The following GAK variants were observed in gnomAD, a reference collection of about 807,000 sequenced individuals.
The protein encoded by GAK is cyclin-G-associated kinase.
A neutral mutation model predicts 143.9 loss-of-function variants in GAK; 79 were observed. The ratio of observed to expected loss-of-function variants is 0.55; its 90% CI spans 0.46 to 0.66. The LOEUF (loss-of-function observed/expected upper bound fraction) is 0.66, where lower values mean the gene tolerates loss of function less well. GAK is among the 30% of genes least tolerant of loss of function. GAK has a pLI of 0.00. For synonymous variants in GAK, 881 were observed against 765.5 expected, an observed-to-expected ratio of 1.15 and a Z score of -2.49; for missense variants, 1,693 against 1,779.7, an observed-to-expected ratio of 0.95 and a Z score of 0.88.
At chr4:914,234 G>A (rs1198223331) in intron 1 of GAK, among the ~76,000 whole-genome samples, 1 of 36,566 alleles carries the variant, frequency 2.7e-5, no homozygotes, top group South Asian at 1.3e-3. Context: ...CAGCCCCAGC[G>A]TGCACGGCCC....
intron 10 of GAK, among the ~76,000 whole-genome samples, chr4:890,103 C>T (rs139504543): frequency 8.3e-4 from 127 of 152,362 alleles, no homozygotes; most frequent in Middle Eastern, 3.4e-3. Context: ...CCTGGGATGC[C>T]CCCTCCAGCC....
chr4:882,773 G>C lies in GAK; in HGVS notation c.1451C>G (p.Thr484Ser). 1.2e-6 allele frequency: 2 copies of C among 1,611,532 alleles called. No homozygotes were observed. The highest frequency in any genetic ancestry group is 8.5e-7 in the Non-Finnish European group (1 of 1,179,942). The change falls in exon 14 of 28, where the codon ACC becomes AGC. Residue 484 changes from threonine (T) to serine (S), a missense_variant. By Grantham distance (58) the Thr-to-Ser change is moderately conservative. Around this residue, in one of 2 missense-constraint regions of GAK, gnomAD observed 871 missense variants for 991.0 expected, o/e 0.88. Coordinates refer to ENST00000314167, the MANE Select transcript of GAK (RefSeq NM_005255.4). ...WAARRAPHLH[T>S]LYNICRNMHA... ...CATGTTCCTGCAGATGTTGTACAGG[G>C]TGTGCAGGTGTGGGGCCCGCCGTGC...
intron 10 of GAK, among the ~76,000 whole-genome samples, chr4:889,588 C>T (rs1168698219): frequency 6.6e-6 from 1 of 152,224 alleles, no homozygotes; most frequent in Non-Finnish European, 1.5e-5. Context: ...CCAGCCACTA[C>T]ACCTGCATGT....
intron 19 of GAK, among the ~76,000 whole-genome samples, chr4:870,338 A>G (rs7690704): frequency 0.84 from 128,033 of 152,218 alleles, 54,308 homozygotes; most frequent in African/African-American, 0.93. Context: ...TCTGTTCCAC[A>G]TGCTGCCAGC....
At chr4:895,237 T>A (rs1718546799) in intron 7 of GAK, among the ~76,000 whole-genome samples, 2 of 152,204 alleles carry the variant, frequency 1.3e-5, no homozygotes, top group Non-Finnish European at 2.9e-5. Context: ...CTCAGGATTT[T>A]CGCAGAACTG....
At chr4:893,331 C>T (rs752538659) in intron 9 of GAK, 46 bp downstream of exon 9, 4 of 1,370,108 alleles carry the variant, frequency 2.9e-6, no homozygotes, top group Non-Finnish European at 4.0e-6. Flanking sequence ...ATGTGTGCCT[C>T]CTTCACCACT....
At chr4:919,885 T>A (rs1338417049) in intron 1 of GAK, among the ~76,000 whole-genome samples, 4 of 152,226 alleles carry the variant, frequency 2.6e-5, no homozygotes, top group Non-Finnish European at 5.9e-5. Context: ...TGGGAACGGC[T>A]CATGCCTGTA....
At chr4:868,058 G>A (rs968942646) in intron 20 of GAK, among the ~76,000 whole-genome samples, 1 of 152,242 alleles carries the variant, frequency 6.6e-6, no homozygotes, top group South Asian at 2.1e-4. Flanking sequence ...GGGACAGGAA[G>A]TGGCAGGTGC....
chr4:899,269 G>A (rs981988873), intron 5 of GAK, among the ~76,000 whole-genome samples: 1 of 152,214 alleles, frequency 6.6e-6, no homozygotes, highest in African/African-American at 2.4e-5. Context: ...GGGAAGGAGC[G>A]GCTTCTTCAA....
At chr4:931,008 C>T (rs1725625703) in intron 1 of GAK, among the ~76,000 whole-genome samples, 1 of 152,332 alleles carries the variant, frequency 6.6e-6, no homozygotes, top group South Asian at 2.1e-4. Flanking sequence ...TGTGCCAATA[C>T]AGCAGAATAG....
At chr4:858,841 G>C (rs1048173636) in intron 24 of GAK, among the ~76,000 whole-genome samples, 3 of 152,222 alleles carry the variant, frequency 2.0e-5, no homozygotes, top group African/African-American at 7.2e-5. Context: ...GAGGAGACGG[G>C]AAATGCTCCC....
At chr4:870,625 C>T in intron 19 of GAK, 86 bp downstream of exon 19, 1 of 1,427,062 alleles carries the variant, frequency 7.0e-7, no homozygotes. Context: ...TGGGGCCCAG[C>T]CCTGCCAGAG....
At chr4:920,373 T>C (rs1038456451) in intron 1 of GAK, among the ~76,000 whole-genome samples, 1 of 150,684 alleles carries the variant, frequency 6.6e-6, no homozygotes, top group East Asian at 1.9e-4. Context: ...TTTTAACACC[T>C]CTAACGCAGT....
chr4:921,464 A>C (rs1403437813), intron 1 of GAK, among the ~76,000 whole-genome samples: 1 of 152,200 alleles, frequency 6.6e-6, no homozygotes, highest in Admixed American at 6.5e-5. Flanking sequence ...CCAGACAATG[A>C]GCTTCATGTA....
At chr4:849,833 G>GGGCGCCCCCCCCCC in intron 27 of GAK, 59 bp from the exon 28 acceptor site, 1 of 1,190,154 alleles carries the variant, frequency 8.4e-7, no homozygotes, top group Non-Finnish European at 1.2e-6. Flanking sequence ...GGCGGGGCAG[G>GGGCGCCCCCCCCCC]ACCCCCCCCC....
chr4:864,861 G>A (rs886659428), intron 23 of GAK, among the ~76,000 whole-genome samples: 2 of 152,208 alleles, frequency 1.3e-5, no homozygotes, highest in African/African-American at 2.4e-5. Context: ...AGGACCCTTC[G>A]GGGGTGCTGC....
intron 1 of GAK, among the ~76,000 whole-genome samples, chr4:925,398 A>G (rs888787120): frequency 2.0e-5 from 3 of 152,176 alleles, no homozygotes; most frequent in Non-Finnish European, 4.4e-5. Flanking sequence ...CACGCTGGGG[A>G]CGGGACAGAG....
chr4:889,031 G>C, intron 10 of GAK, 61 bp from the exon 11 acceptor site: 1 of 1,530,734 alleles, frequency 6.5e-7, no homozygotes, highest in Non-Finnish European at 8.8e-7. Flanking sequence ...CCAGGTGCGG[G>C]TTGCTGGCTG....
Position 883,481 on chromosome 4 carries a change from G to A in GAK, c.1256-18C>T, listed in dbSNP as rs747987790. ...TGACATCACTGAAACAAGCAGACCT[G>A]CGTCAGCACCTGGGAGATGCGCACC... On this transcript the variant is annotated intron_variant, in intron 12 of 27. Coordinates refer to ENST00000314167, the MANE Select transcript of GAK (RefSeq NM_005255.4). The A allele has an allele frequency of 1.1e-5, 17 of 1,612,552 alleles. No homozygotes were observed. In the East Asian group the frequency reaches 3.6e-4, roughly 34 times the overall value.
Sources: gnomAD v4.1 joint callset for allele counts (sites outside exome capture counted in the v4.1 genomes callset) on GRCh38, gnomAD v4.1.1 for gene constraint, gnomAD v4.1.1 regional missense constraint, MANE v1.5 for transcripts, NCBI Gene and HGNC (gene_info 2026-07-23, HGNC 2026-07-21) for gene names.